SYCP2L: variants seen among roughly 807,000 people sequenced by gnomAD.
SYCP2L encodes the protein synaptonemal complex protein 2 like.
In SYCP2L, 98 loss-of-function variants were observed where a neutral mutation model predicts 125.8. The observed-to-expected ratio is 0.78, with a 90% CI of 0.66 to 0.92. The LOEUF is 0.92. Ranked by LOEUF, SYCP2L falls within the 40% of genes least tolerant of loss-of-function variation. SYCP2L has a pLI of 0.00. For missense variants in SYCP2L, 842 were observed against 936.4 expected (o/e 0.90, Z 1.32); for synonymous variants, 317 against 325.4 (o/e 0.97, Z 0.28).
At chr6:10,951,344 G>C (rs778877397) in intron 23 of SYCP2L, among the ~76,000 whole-genome samples, 2 of 152,060 alleles carry the variant, frequency 1.3e-5, no homozygotes, top group Non-Finnish European at 2.9e-5. Context: ...GGGTGGTTGA[G>C]CTTGGCAGGA....
intron 29 of SYCP2L, among the ~76,000 whole-genome samples, chr6:10,965,972 G>T (rs1209237455): frequency 6.6e-6 from 1 of 152,150 alleles, no homozygotes; most frequent in Admixed American, 6.5e-5. Flanking sequence ...AATTAGCCAG[G>T]TGTGGTGATG....
At position 10,962,974 on chromosome 6, in the gene SYCP2L, A is replaced by G. The variant is rs557063118; in HGVS notation, c.2415-808A>G. On this transcript the variant is annotated intron_variant, in intron 28 of 29. Coordinates refer to ENST00000283141, the MANE Select transcript of SYCP2L (RefSeq NM_001040274.3). ...GGTTTCTTAGGGTTTCCCCAGGCAC[A>G]CTTTGAGAACAGCTGATAAAAAGCC... 5.9e-5 allele frequency among the ~76,000 whole-genome samples: 9 copies of G among 152,324 alleles called. No individual in the cohort carries two copies. In the East Asian group the frequency reaches 1.3e-3, roughly 23 times the overall value.
chr6:10,908,665 A>G (rs1016634808), intron 10 of SYCP2L, among the ~76,000 whole-genome samples: 6 of 152,202 alleles, frequency 3.9e-5, no homozygotes, highest in African/African-American at 9.7e-5. Context: ...CAAAATTCCT[A>G]TGTAATCAAG....
rs367819803 is a variant in SYCP2L, at chr6:10,891,604, AATCT to A, written c.78+24_78+27del. On this transcript the variant is annotated intron_variant, in intron 2 of 29. Coordinates refer to ENST00000283141, the MANE Select transcript of SYCP2L (RefSeq NM_001040274.3). ...TGGGTAAAGATCAAGTTTCTTTTAT[AATCT>A]CTCTCTGTGTGTGTGTGTGTGTGTG... is the stretch of plus-strand genomic sequence containing the variant. The A allele has an allele frequency of 3.8e-6, 4 of 1,042,670 alleles. 1 individual carries two copies. Among genetic ancestry groups the A allele is most frequent in the South Asian group, 3.1e-5 (2 of 64,584 alleles). The allele number at this position is 1,042,670 out of a possible 1,614,324, so 64.6% of individuals were successfully genotyped here. A position where few individuals can be genotyped will look rare whatever the true frequency, so the allele number is the denominator to read the frequency against.
At chr6:10,936,223 G>A (rs999122017) in intron 21 of SYCP2L, among the ~76,000 whole-genome samples, 3 of 150,884 alleles carry the variant, frequency 2.0e-5, no homozygotes, top group Admixed American at 1.3e-4. Flanking sequence ...GGGGTCAGGC[G>A]CAGTGGCTCC....
At position 10,954,243 on chromosome 6, in the gene SYCP2L, G is replaced by A. The variant is rs1377326734; in HGVS notation, c.1955-873G>A. 6.6e-6 allele frequency among the ~76,000 whole-genome samples: 1 copy of A among 152,152 alleles called. No individual in the cohort carries two copies. Among genetic ancestry groups the A allele is most frequent in the African/African-American group, 2.4e-5 (1 of 41,434 alleles). The stretch of plus-strand genomic sequence containing the variant: ...TGCGGGGGAGAGAGTGGTTTTAAGT[G>A]GGAGGGATAGACTCGAGTGGGGTTT... On this transcript the variant is annotated intron_variant, in intron 23 of 29. Transcript: ENST00000283141. This position sits in a 1 kb window ranked among gnomAD's most constrained non-coding sequence, Gnocchi z 4.8.
intron 14 of SYCP2L, among the ~76,000 whole-genome samples, chr6:10,918,869 G>A (rs6914289): frequency 0.028 from 4,224 of 152,230 alleles, 198 homozygotes; most frequent in African/African-American, 0.094. Flanking sequence ...TTCTATTGCT[G>A]AGACTTTCCA....
chr6:10,896,608 C>T (rs572626624), intron 4 of SYCP2L, among the ~76,000 whole-genome samples: 1 of 152,194 alleles, frequency 6.6e-6, no homozygotes, highest in South Asian at 2.1e-4. Context: ...AGCAAAGCTT[C>T]CTTCAGCAGG....
Position 10,903,583 on chromosome 6 carries a change from C to G in SYCP2L, c.641+620C>G, listed in dbSNP as rs866531640. 4.6e-5 allele frequency among the ~76,000 whole-genome samples: 7 copies of G among 151,674 alleles called. No homozygotes were observed. The South Asian group carries it at 8.4e-4, about 18-fold the overall frequency. ...AATAATAAAAAAAGAAACTCTATCT[C>G]TACTAAAAATACAAAAAATTAGCTG... On this transcript the variant is annotated intron_variant, in intron 8 of 29. Transcript: ENST00000283141.
intron 26 of SYCP2L, 27 bp downstream of exon 26, chr6:10,958,902 C>G (rs761919457): frequency 1.3e-6 from 2 of 1,599,366 alleles, no homozygotes; most frequent in East Asian, 4.5e-5. Flanking sequence ...AAAACAAGGT[C>G]GTGGAAGTGT....
chr6:10,917,143 A>G (rs2113331551), intron 14 of SYCP2L, among the ~76,000 whole-genome samples: 1 of 152,262 alleles, frequency 6.6e-6, no homozygotes, highest in Non-Finnish European at 1.5e-5. Flanking sequence ...AATGTTCTGT[A>G]TGTATCTGTT....
At chr6:10,932,608 G>C (rs1781015229) in intron 20 of SYCP2L, among the ~76,000 whole-genome samples, 1 of 152,140 alleles carries the variant, frequency 6.6e-6, no homozygotes, top group South Asian at 2.1e-4. Context: ...AGAGGGGTGG[G>C]TTAAACCTAT....
intron 21 of SYCP2L, among the ~76,000 whole-genome samples, chr6:10,935,800 C>T (rs1013121176): frequency 6.6e-6 from 1 of 152,060 alleles, no homozygotes; most frequent in Non-Finnish European, 1.5e-5. Flanking sequence ...CAGACTTGAT[C>T]CATATGGTTT....
chr6:10,963,096 C>G (rs577512742), intron 28 of SYCP2L, among the ~76,000 whole-genome samples: 68 of 152,310 alleles, frequency 4.5e-4, no homozygotes, highest in African/African-American at 1.5e-3. Flanking sequence ...GCAACTCTCT[C>G]TTCAAACACT....
At chr6:10,972,652 G>A (rs1054846419) in intron 29 of SYCP2L, among the ~76,000 whole-genome samples, 7 of 152,120 alleles carry the variant, frequency 4.6e-5, no homozygotes, top group Non-Finnish European at 8.8e-5. Flanking sequence ...AAAACTAAAA[G>A]GTAAAAGATG....
chr6:10,958,295 G>T (rs966035086), intron 25 of SYCP2L, among the ~76,000 whole-genome samples: 1 of 152,040 alleles, frequency 6.6e-6, no homozygotes, highest in Non-Finnish European at 1.5e-5. Context: ...CTTGGCTTCT[G>T]GGGAGGCCTC....
intron 6 of SYCP2L, among the ~76,000 whole-genome samples, chr6:10,901,802 TG>T (rs1219177486): frequency 1.3e-5 from 2 of 152,250 alleles, no homozygotes; most frequent in African/African-American, 4.8e-5. Flanking sequence ...GACAACTTAC[TG>T]GCTCAAGGGA....
chr6:10,967,495 G>GTGTGTGTT (rs1781702985), intron 29 of SYCP2L, among the ~76,000 whole-genome samples: 1 of 149,872 alleles, frequency 6.7e-6, no homozygotes, highest in East Asian at 1.9e-4. Context: ...GTGTGTGTGT[G>GTGTGTGTT]TATTGAGGAG....
chr6:10,971,472 AAAAG>A (rs1184443010), intron 29 of SYCP2L, among the ~76,000 whole-genome samples: 10 of 151,192 alleles, frequency 6.6e-5, no homozygotes, highest in Admixed American at 1.3e-4. Context: ...AAAAAAAAAA[AAAAG>A]AAAGAAAGAA....
Sources: allele counts gnomAD v4.1 joint callset (sites outside exome capture counted in the v4.1 genomes callset), GRCh38; gene constraint gnomAD v4.1.1; non-coding constraint Gnocchi (gnomAD v3.1); transcripts MANE v1.5; gene names NCBI Gene and HGNC (gene_info 2026-07-23, HGNC 2026-07-21).